SOX6: variants seen among roughly 807,000 people sequenced by gnomAD.
SOX6 encodes SRY-box transcription factor 6, also known as transcription factor SOX-6.
SOX6 carries 11 observed loss-of-function variants against 97.8 expected under a neutral mutation model. The ratio of observed to expected loss-of-function variants is 0.11; its 90% CI spans 0.07 to 0.19. SOX6 has a LOEUF of 0.19. Among genes scored for constraint, SOX6 ranks in the 10% least tolerant of loss-of-function variants. The pLI is 1.00. For synonymous variants in SOX6, 360 were observed against 371.4 expected, an observed-to-expected ratio of 0.97 and a Z score of 0.35; for missense variants, 810 against 1,039.5, an observed-to-expected ratio of 0.78 and a Z score of 3.04.
chr11:16,712,887 A>G (rs1002228203), intron 3 of SOX6, among the ~76,000 whole-genome samples: 3 of 152,258 alleles, frequency 2.0e-5, no homozygotes, highest in Non-Finnish European at 4.4e-5. Flanking sequence ...GGCACAATAA[A>G]TAATAGCTCT....
intron 1 of SOX6, among the ~76,000 whole-genome samples, chr11:16,384,757 TGAACAACGGGAAAAAAA>T (rs1361414849): frequency 6.6e-6 from 1 of 152,024 alleles, no homozygotes; most frequent in Non-Finnish European, 1.5e-5. Flanking sequence ...TCACTGACAT[TGAACAACGGGAAAAAAA>T]GAATGGCAGC....
chr11:16,378,251 C>A (rs1421244570), intron 1 of SOX6, among the ~76,000 whole-genome samples: 3 of 151,992 alleles, frequency 2.0e-5, no homozygotes, highest in Non-Finnish European at 2.9e-5. Context: ...TACAATGCAT[C>A]CTGAGATTTT....
At chr11:15,976,407 A>G (rs60855295) in intron 15 of SOX6, among the ~76,000 whole-genome samples, 10,065 of 152,256 alleles carry the variant, frequency 0.066, 1,117 homozygotes, top group African/African-American at 0.23. Context: ...GACTGTGAAG[A>G]TTAAGTAAGA....
chr11:16,320,517 T>C (rs1011271690), intron 2 of SOX6, among the ~76,000 whole-genome samples: 4 of 152,140 alleles, frequency 2.6e-5, no homozygotes, highest in African/African-American at 9.7e-5. Context: ...AATGAGATTA[T>C]ATTTGTAAGG....
chr11:16,141,019 C>T (rs1850121617), intron 6 of SOX6, among the ~76,000 whole-genome samples: 1 of 151,780 alleles, frequency 6.6e-6, no homozygotes, highest in African/African-American at 2.4e-5. Flanking sequence ...GAAGCTGAGA[C>T]AGGAGAATCA....
intron 12 of SOX6, 168 bp from the exon 13 acceptor site, chr11:16,015,218 C>A: frequency 1.5e-6 from 1 of 676,692 alleles, no homozygotes; most frequent in South Asian, 1.7e-5. Flanking sequence ...CTGTTTGTGA[C>A]ATGGACAGCA....
chr11:16,320,562 G>A (rs1217147742), intron 2 of SOX6, among the ~76,000 whole-genome samples: 1 of 152,068 alleles, frequency 6.6e-6, no homozygotes, highest in Non-Finnish European at 1.5e-5. Flanking sequence ...TAATACTGAG[G>A]TGGTGTTTAA....
At position 15,967,040 on chromosome 11, in the gene SOX6, C is replaced by T. The variant is rs1300261978; in HGVS notation, c.*5769G>A. 6.6e-6 allele frequency: 1 copy of T among 152,042 alleles called. No homozygotes were observed. The highest frequency in any genetic ancestry group is 1.5e-5 in the Non-Finnish European group (1 of 68,002). The allele number at this position is 152,042 out of a possible 1,614,324, so 9.4% of individuals were successfully genotyped here. A position where few individuals can be genotyped will look rare whatever the true frequency, so the allele number is the denominator to read the frequency against. On this transcript the variant is annotated 3_prime_UTR_variant, in exon 16 of 16. Transcript: ENST00000683767. ...TTTAAAAACTTTACACTGGACTGTA[C>T]AAGATTTTTTTTTGATAAACTATTT...
intron 10 of SOX6, among the ~76,000 whole-genome samples, chr11:16,053,291 C>G (rs1847729018): frequency 6.6e-6 from 1 of 152,096 alleles, no homozygotes; most frequent in Admixed American, 6.6e-5. Context: ...CAATTTTGTC[C>G]TGAGTTTTAG....
intron 2 of SOX6, among the ~76,000 whole-genome samples, chr11:16,723,118 A>G (rs765381530): frequency 6.6e-5 from 10 of 152,356 alleles, no homozygotes; most frequent in African/African-American, 9.6e-5. Flanking sequence ...AATATAGTAC[A>G]TATACACCAT....
chr11:16,242,612 AT>A (rs1487107520), intron 3 of SOX6, among the ~76,000 whole-genome samples: 1 of 151,816 alleles, frequency 6.6e-6, no homozygotes, highest in Admixed American at 6.6e-5. Context: ...CACACCAGAA[AT>A]TAAGTGAAAA....
At chr11:16,395,317 C>T (rs1475462018) in intron 1 of SOX6, among the ~76,000 whole-genome samples, 1 of 151,712 alleles carries the variant, frequency 6.6e-6, no homozygotes, top group Non-Finnish European at 1.5e-5. Flanking sequence ...GGATGAGAAA[C>T]AAGATCCTTG....
chr11:16,648,850 CTT>C (rs1207214945), intron 3 of SOX6, among the ~76,000 whole-genome samples: 1 of 151,894 alleles, frequency 6.6e-6, no homozygotes, highest in Non-Finnish European at 1.5e-5. Context: ...TGAAAACAAA[CTT>C]AAAAATTATA....
At chr11:16,703,696 T>A (rs146638471) in intron 3 of SOX6, among the ~76,000 whole-genome samples, 1,850 of 152,252 alleles carry the variant, frequency 0.012, 31 homozygotes, top group African/African-American at 0.041. Flanking sequence ...TTATTTCATC[T>A]TTTTTTACAA....
At chr11:16,640,817 C>G (rs1229832436) in intron 3 of SOX6, among the ~76,000 whole-genome samples, 1 of 152,028 alleles carries the variant, frequency 6.6e-6, no homozygotes, top group Non-Finnish European at 1.5e-5. Context: ...CTTTATTAGT[C>G]TGGCTAGTGG....
At position 16,610,743 on chromosome 11, in the gene SOX6, T is replaced by TA. The variant is rs1364250212; in HGVS notation, n.609+1337dup. ...TGGCCCTGGGGGCGGGGGTGCCATCTAAGGGTTTCCTCTAAAGCCTCGGGC... is the reference window on the plus strand; with the variant it reads ...TGGCCCTGGGGGCGGGGGTGCCATCTAAAGGGTTTCCTCTAAAGCCTCGGGC... On this transcript the variant is annotated intron_variant and non_coding_transcript_variant, in intron 4 of 5. Coordinates refer to the SOX6 transcript ENST00000524520. The surrounding 1 kb of genome is among the most constrained non-coding windows in gnomAD (Gnocchi z 4.4). Among the ~76,000 whole-genome samples, 1 of 152,150 alleles carries TA rather than the reference T, an allele frequency of 6.6e-6. No individual in the cohort carries two copies. The highest frequency in any genetic ancestry group is 6.5e-5 in the Admixed American group (1 of 15,278).
chr11:16,059,008 A>T (rs564750143), intron 9 of SOX6, among the ~76,000 whole-genome samples: 24 of 152,112 alleles, frequency 1.6e-4, no homozygotes, highest in African/African-American at 5.3e-4. Flanking sequence ...TTCAATTCCT[A>T]AGCATTTTAG....
chr11:16,035,541 T>C (rs192407099), intron 12 of SOX6, among the ~76,000 whole-genome samples: 241 of 152,296 alleles, frequency 1.6e-3, no homozygotes, highest in South Asian at 3.3e-3. Context: ...GTTAAAGTAT[T>C]ATCCACCTCA....
At chr11:16,331,996 C>A (rs1856316819) in intron 2 of SOX6, among the ~76,000 whole-genome samples, 1 of 152,114 alleles carries the variant, frequency 6.6e-6, no homozygotes, top group South Asian at 2.1e-4. Context: ...CATTCCTTGA[C>A]CTACCGTGTC....
Sources: gnomAD v4.1 joint callset for allele counts (sites outside exome capture counted in the v4.1 genomes callset) on GRCh38, gnomAD v4.1.1 for gene constraint, Gnocchi (gnomAD v3.1) non-coding constraint, MANE v1.5 for transcripts, NCBI Gene and HGNC (gene_info 2026-07-23, HGNC 2026-07-21) for gene names.